MC1R: variants seen among roughly 807,000 people sequenced by gnomAD.
MC1R encodes the protein melanocortin 1 receptor, also known as melanocyte-stimulating hormone receptor.
For synonymous variants in MC1R, 263 were observed against 203.8 expected (o/e 1.29, Z -2.47); for missense variants, 542 against 430.0 (o/e 1.26, Z -2.30).
At position 89,919,657 on chromosome 16, in the gene MC1R, C is replaced by T. The variant is rs201429598; in HGVS notation, c.399C>T (p.Cys133=). ...GCAGCTCCATGCTGTCCAGCCTCTG[C>T]TTCCTGGGCGCCATCGCCGTGGACC... The part of the protein sequence containing the change: ...ITCSSMLSSL[C]FLGAIAVDRY... Residue 133 remains cysteine, a synonymous_variant, in exon 1 of 1, where the codon TGC becomes TGT. Transcript: ENST00000555147. The T allele has an allele frequency of 9.1e-4, 1,467 of 1,606,508 alleles. 1 individual carries two copies. The highest frequency in any genetic ancestry group is 1.1e-3 in the Non-Finnish European group (1,341 of 1,179,582).
At position 89,919,068 on chromosome 16, in the gene MC1R, C is replaced by T. The variant is rs1417034762; in HGVS notation, c.-191C>T. On this transcript the variant is annotated 5_prime_UTR_variant, in exon 1 of 1. Transcript: ENST00000555147. ...AGGTGTCTGGACTGGCTGGGCCATG[C>T]CTGGGCTGACCTGTCCAGCCAGGGA... 2 of 586,456 alleles carry T rather than the reference C, an allele frequency of 3.4e-6. No individual in the cohort carries two copies. The highest frequency in any genetic ancestry group is 1.9e-5 in the African/African-American group (1 of 53,684). 36.3% of individuals were successfully genotyped at this position (586,456 alleles called of 1,614,324 possible).
In MC1R at chr16:89,919,385, G is replaced by C; in HGVS notation, c.127G>C (p.Gly43Arg). Residue 43 changes from glycine to arginine, a missense_variant, in exon 1 of 1, where the codon GGG becomes CGG. Gly to Arg is a moderately radical substitution (Grantham distance 125). Transcript: ENST00000555147. ...GTGCCTGGAGGTGTCCATCTCTGAC[G>C]GGCTCTTCCTCAGCCTGGGGCTGGT... ...ARCLEVSISD[G>R]LFLSLGLVSL... 6.2e-7 allele frequency: 1 copy of C among 1,613,256 alleles called. No homozygotes were observed. The highest frequency in any genetic ancestry group is 8.5e-7 in the Non-Finnish European group (1 of 1,179,866).
At position 89,919,609 on chromosome 16, in the gene MC1R, C is replaced by T. The variant is rs2045694732; in HGVS notation, c.351C>T (p.Asp117=). Residue 117 remains aspartate, a synonymous_variant, in exon 1 of 1, where the codon GAC becomes GAT. Coordinates refer to ENST00000555147, the MANE Select transcript of MC1R (RefSeq NM_002386.4). ...VARAAVLQQL[D]NVIDVITCSS... ...GGGCTGCGGTGCTGCAGCAGCTGGACAATGTCATTGACGTGATCACCTGCA... is the reference window on the plus strand; with the variant it reads ...GGGCTGCGGTGCTGCAGCAGCTGGATAATGTCATTGACGTGATCACCTGCA... 6.2e-7 allele frequency: 1 copy of T among 1,608,636 alleles called. No homozygotes were observed. Among genetic ancestry groups the T allele is most frequent in the Non-Finnish European group, 8.5e-7 (1 of 1,179,802 alleles).
rs564084675 is a variant in MC1R at position 89,920,316 on chromosome 16, C to T, written c.*104C>T. ...GGCAGTTCCTTACCTCCCTGGTCCC[C>T]GTTTGTCAAAGAGGATGGACTAAAT... On this transcript the variant is annotated 3_prime_UTR_variant, in exon 1 of 1. Coordinates refer to ENST00000555147, the MANE Select transcript of MC1R (RefSeq NM_002386.4). 18 of 966,604 alleles carry T rather than the reference C, an allele frequency of 1.9e-5. No homozygotes were observed. The highest frequency in any genetic ancestry group is 1.4e-4 in the South Asian group (9 of 64,304). 59.9% of individuals were successfully genotyped at this position (966,604 alleles called of 1,614,324 possible).
chr16:89,919,988 A>C lies in MC1R; in HGVS notation c.730A>C (p.Thr244Pro), dbSNP rs769056179. 5 of 1,613,240 alleles carry C rather than the reference A, an allele frequency of 3.1e-6. No individual in the cohort carries two copies. The Middle Eastern group carries it at 6.6e-4, about 213-fold the overall frequency. Residue 244 changes from threonine to proline, a missense_variant, in exon 1 of 1, where the codon ACC (threonine) becomes CCC (proline). Transcript: ENST00000555147. ...GFGLKGAVTL[T>P]ILLGIFFLCW... ...TGGCCTTAAAGGCGCTGTCACCCTC[A>C]CCATCCTGCTGGGCATTTTCTTCCT...
In MC1R at chr16:89,919,162, C is replaced by T. The variant is rs748128480; in HGVS notation, c.-97C>T. 2 of 870,778 alleles carry T rather than the reference C, an allele frequency of 2.3e-6. No individual in the cohort carries two copies. The highest frequency in any genetic ancestry group is 3.5e-6 in the Non-Finnish European group (2 of 571,248). 53.9% of individuals were successfully genotyped at this position (870,778 alleles called of 1,614,324 possible). A position where few individuals can be genotyped will look rare whatever the true frequency, so the allele number is the denominator to read the frequency against. On this transcript the variant is annotated 5_prime_UTR_variant, in exon 1 of 1. Transcript: ENST00000555147. ...CAGGCATGGGGGACACCCAAGGCCC[C>T]CTGGCAGCACCATGAACTAAGCAGG...
chr16:89,919,843 C>T lies in MC1R; in HGVS notation c.585C>T (p.Phe195=). 4.4e-6 allele frequency: 7 copies of T among 1,606,852 alleles called. No individual in the cohort carries two copies. Among genetic ancestry groups the T allele is most frequent in the African/African-American group, 2.7e-5 (2 of 75,068 alleles). Residue 195 remains phenylalanine (F), a synonymous_variant, in exon 1 of 1, where the codon TTC becomes TTT. Transcript: ENST00000555147. ...CCGTCCTGCTGTGCCTCGTGGTCTTCTTCCTGGCTATGCTGGTGCTCATGG... is the reference window on the plus strand; with the variant it reads ...CCGTCCTGCTGTGCCTCGTGGTCTTTTTCCTGGCTATGCTGGTGCTCATGG... ...HVAVLLCLVV[F]FLAMLVLMAV...
In MC1R at chr16:89,920,294, A is replaced by G; in HGVS notation, c.*82A>G. 1 of 1,184,526 alleles carries G rather than the reference A, an allele frequency of 8.4e-7. No homozygotes were observed. Among genetic ancestry groups the G allele is most frequent in the Non-Finnish European group, 1.2e-6 (1 of 819,496 alleles). The allele number at this position is 1,184,526 out of a possible 1,614,324, so 73.4% of individuals were successfully genotyped here. A position where few individuals can be genotyped will look rare whatever the true frequency, so the allele number is the denominator to read the frequency against. On this transcript the variant is annotated 3_prime_UTR_variant, in exon 1 of 1. Transcript: ENST00000555147. ...GTCTGGTTCCTGTGTGACCCTGGGC[A>G]GTTCCTTACCTCCCTGGTCCCCGTT... is the stretch of plus-strand genomic sequence containing the variant.
In MC1R at chr16:89,918,935, C is replaced by G. The variant is rs550551838; in HGVS notation, c.-324C>G. The G allele has an allele frequency of 1.7e-5, 7 of 414,866 alleles. No homozygotes were observed. In the South Asian group the frequency reaches 2.3e-4, roughly 14 times the overall value. 25.7% of individuals were successfully genotyped at this position (414,866 alleles called of 1,614,324 possible). On this transcript the variant is annotated 5_prime_UTR_variant, in exon 1 of 1. Coordinates refer to ENST00000555147, the MANE Select transcript of MC1R (RefSeq NM_002386.4). ...AGAGGCCAGGACGGTCCAGAGGTGT[C>G]GAAATGTCCTGGGGACCTGAGCAGC...
rs1411605490 is a variant in MC1R at position 89,918,989 on chromosome 16, C to G, written c.-270C>G. Reference sequence around the variant, plus strand: ...CACCAGGGAAGAGGCAGGGAGGGAGCTGAGGACCAGGCTTGGTTGTGAGAA... The same window carrying G: ...CACCAGGGAAGAGGCAGGGAGGGAGGTGAGGACCAGGCTTGGTTGTGAGAA... On this transcript the variant is annotated 5_prime_UTR_variant, in exon 1 of 1. Coordinates refer to ENST00000555147, the MANE Select transcript of MC1R (RefSeq NM_002386.4). 2.0e-6 allele frequency: 1 copy of G among 510,658 alleles called. No homozygotes were observed. Among genetic ancestry groups the G allele is most frequent in the Non-Finnish European group, 3.5e-6 (1 of 285,120 alleles). 31.6% of individuals were successfully genotyped at this position (510,658 alleles called of 1,614,324 possible).
At position 89,920,337 on chromosome 16, in the gene MC1R, T is replaced by C. The variant is rs2045709272; in HGVS notation, c.*125T>C. ...TCCCCGTTTGTCAAAGAGGATGGAC[T>C]AAATGATCTCTGAAAGTGTTGAAGC... is the stretch of plus-strand genomic sequence containing the variant. On this transcript the variant is annotated 3_prime_UTR_variant, in exon 1 of 1. Coordinates refer to ENST00000555147, the MANE Select transcript of MC1R (RefSeq NM_002386.4). The C allele has an allele frequency of 4.9e-6, 4 of 816,988 alleles. No individual in the cohort carries two copies. The Admixed American group carries it at 7.4e-5, about 15-fold the overall frequency. The allele number at this position is 816,988 out of a possible 1,614,324, so 50.6% of individuals were successfully genotyped here.
In MC1R at chr16:89,920,174, CGCA is replaced by C; in HGVS notation, c.918_920del (p.Arg307del). ...CTACGCCTTCCACAGCCAGGAGCTC[CGCA>C]GGACGCTCAAGGAGGTGCTGACATG... is the stretch of plus-strand genomic sequence containing the variant. On this transcript the variant is annotated inframe_deletion, in exon 1 of 1. Transcript: ENST00000555147. 6.2e-7 allele frequency: 1 copy of C among 1,614,038 alleles called. No individual in the cohort carries two copies. The highest frequency in any genetic ancestry group is 8.5e-7 in the Non-Finnish European group (1 of 1,179,886).
Position 89,920,185 on chromosome 16 carries a change from C to T in MC1R, c.927C>T (p.Leu309=), listed in dbSNP as rs1215576125. 1.2e-6 allele frequency: 2 copies of T among 1,613,982 alleles called. No individual in the cohort carries two copies. Among genetic ancestry groups the T allele is most frequent in the Non-Finnish European group, 1.7e-6 (2 of 1,179,850 alleles). The change falls in exon 1 of 1, where the codon CTC becomes CTT. Residue 309 remains leucine, a synonymous_variant. Transcript: ENST00000555147. ...AFHSQELRRT[L]KEVLTCSW is the part of the protein sequence containing the mutation. ...ACAGCCAGGAGCTCCGCAGGACGCT[C>T]AAGGAGGTGCTGACATGCTCCTGGT...
chr16:89,919,808 G>C lies in MC1R; in HGVS notation c.550G>C (p.Asp184His), dbSNP rs530102853. Residue 184 changes from aspartate (D) to histidine (H), a missense_variant, in exon 1 of 1, where the codon GAC becomes CAC. Transcript: ENST00000555147. ...VFSTLFIAYY[D>H]HVAVLLCLVV... ...CAGCACGCTCTTCATCGCCTACTAC[G>C]ACCACGTGGCCGTCCTGCTGTGCCT... 41 of 1,607,474 alleles carry C rather than the reference G, an allele frequency of 2.6e-5. No homozygotes were observed. Among genetic ancestry groups the C allele is most frequent in the Middle Eastern group, 1.6e-4 (1 of 6,062 alleles).
At position 89,919,160 on chromosome 16, in the gene MC1R, C is replaced by A. The variant is rs1365549201; in HGVS notation, c.-99C>A. On this transcript the variant is annotated 5_prime_UTR_variant, in exon 1 of 1. Coordinates refer to ENST00000555147, the MANE Select transcript of MC1R (RefSeq NM_002386.4). ...GGCAGGCATGGGGGACACCCAAGGCCCCCTGGCAGCACCATGAACTAAGCA... is the reference window on the plus strand; with the variant it reads ...GGCAGGCATGGGGGACACCCAAGGCACCCTGGCAGCACCATGAACTAAGCA... 2.4e-6 allele frequency: 2 copies of A among 844,582 alleles called. No individual in the cohort carries two copies. The highest frequency in any genetic ancestry group is 2.7e-5 in the East Asian group (1 of 37,256). The allele number at this position is 844,582 out of a possible 1,614,324, so 52.3% of individuals were successfully genotyped here.
chr16:89,919,302 A>C lies in MC1R; in HGVS notation c.44A>C (p.Asn15Thr), dbSNP rs771596986. 7 of 1,608,176 alleles carry C rather than the reference A, an allele frequency of 4.4e-6. No homozygotes were observed. Among genetic ancestry groups the C allele is most frequent in the Admixed American group, 3.4e-5 (2 of 59,150 alleles). Residue 15 changes from asparagine to threonine, a missense_variant, in exon 1 of 1, where the codon AAC becomes ACC. Asn to Thr is a moderately conservative substitution (Grantham distance 65). Coordinates refer to ENST00000555147, the MANE Select transcript of MC1R (RefSeq NM_002386.4). ...GSQRRLLGSL[N>T]STPTAIPQLG... ...CAGAGAAGACTTCTGGGCTCCCTCA[A>C]CTCCACCCCCACAGCCATCCCCCAG...
chr16:89,920,186 A>C lies in MC1R; in HGVS notation c.928A>C (p.Lys310Gln), dbSNP rs926154015. ...CAGCCAGGAGCTCCGCAGGACGCTC[A>C]AGGAGGTGCTGACATGCTCCTGGTG... ...FHSQELRRTL[K>Q]EVLTCSW Residue 310 changes from lysine to glutamine, a missense_variant, in exon 1 of 1, where the codon AAG becomes CAG. By Grantham distance (53) the Lys-to-Gln change is moderately conservative. Coordinates refer to ENST00000555147, the MANE Select transcript of MC1R (RefSeq NM_002386.4). 6 of 1,613,824 alleles carry C rather than the reference A, an allele frequency of 3.7e-6. No individual in the cohort carries two copies. The highest frequency in any genetic ancestry group is 1.7e-5 in the Admixed American group (1 of 60,004).
chr16:89,920,636 G>C lies in MC1R; in HGVS notation c.*424G>C. The C allele has an allele frequency of 1.4e-6, 1 of 713,708 alleles. No homozygotes were observed. The highest frequency in any genetic ancestry group is 2.6e-6 in the Non-Finnish European group (1 of 383,652). 44.2% of individuals were successfully genotyped at this position (713,708 alleles called of 1,614,324 possible). ...CAGCTGGGATGTGAAGTCTCTGGGTGGAAGTGTGTGCCAAGAGCTACTCCC... is the reference window on the plus strand; with the variant it reads ...CAGCTGGGATGTGAAGTCTCTGGGTCGAAGTGTGTGCCAAGAGCTACTCCC... On this transcript the variant is annotated 3_prime_UTR_variant, in exon 1 of 1. Transcript: ENST00000555147.
rs757787545 is a variant in MC1R at position 89,919,407 on chromosome 16, T to G, written c.149T>G (p.Leu50Arg). 3 of 1,613,320 alleles carry G rather than the reference T, an allele frequency of 1.9e-6. No individual in the cohort carries two copies. Among genetic ancestry groups the G allele is most frequent in the Non-Finnish European group, 2.5e-6 (3 of 1,179,880 alleles). Residue 50 changes from leucine to arginine, a missense_variant, in exon 1 of 1, where the codon CTG becomes CGG. Transcript: ENST00000555147. ...GACGGGCTCTTCCTCAGCCTGGGGCTGGTGAGCTTGGTGGAGAACGCGCTG... is the reference window on the plus strand; with the variant it reads ...GACGGGCTCTTCCTCAGCCTGGGGCGGGTGAGCTTGGTGGAGAACGCGCTG... ...ISDGLFLSLG[L>R]VSLVENALVV...
Sources: gnomAD v4.1 joint callset for allele counts on GRCh38, gnomAD v4.1.1 for gene constraint, MANE v1.5 for transcripts, NCBI Gene and HGNC (gene_info 2026-07-23, HGNC 2026-07-21) for gene names.